COMMD1: variants seen among roughly 807,000 people sequenced by gnomAD.
The protein encoded by COMMD1 is copper metabolism domain containing 1.
Under a neutral mutation model 17.2 loss-of-function variants are expected in COMMD1, and 10 were observed. The ratio of observed to expected loss-of-function variants is 0.58; its 90% CI spans 0.36 to 0.99. COMMD1 has a LOEUF of 0.99. COMMD1 is among the 50% of genes least tolerant of loss of function. COMMD1 has a pLI of 0.01. For missense variants in COMMD1, 270 were observed against 231.8 expected (o/e 1.17, Z -1.07); for synonymous variants, 97 against 91.6 (o/e 1.06, Z -0.34).
intron 1 of COMMD1, chr2:61,915,769 T>G (rs1245011569): frequency 2.2e-6 from 1 of 446,700 alleles, no homozygotes; most frequent in Admixed American, 2.4e-5. Flanking sequence ...TTGCTGGGAT[T>G]ACAGGTATGA....
At chr2:61,916,970 A>T (rs753110921) in intron 1 of COMMD1, among the ~76,000 whole-genome samples, 3 of 152,170 alleles carry the variant, frequency 2.0e-5, no homozygotes, top group Non-Finnish European at 1.5e-5. Context: ...TGCATATTGT[A>T]GTATTATTTT....
At chr2:62,134,938 A>G (rs1673149163) in intron 2 of COMMD1, among the ~76,000 whole-genome samples, 2 of 152,198 alleles carry the variant, frequency 1.3e-5, no homozygotes, top group Non-Finnish European at 2.9e-5. Context: ...GTTATCTTTC[A>G]GTTATCTGGC....
At chr2:62,049,648 A>G (rs553328488) in intron 2 of COMMD1, among the ~76,000 whole-genome samples, 10 of 152,324 alleles carry the variant, frequency 6.6e-5, no homozygotes, top group African/African-American at 2.4e-4. Flanking sequence ...ATATTGCTGA[A>G]CAGGCCTTTA....
chr2:62,055,664 C>T (rs1558579637), intron 2 of COMMD1, among the ~76,000 whole-genome samples: 1 of 152,212 alleles, frequency 6.6e-6, no homozygotes, highest in Non-Finnish European at 1.5e-5. Context: ...GCATTGAGAG[C>T]ATCATTCTTA....
intron 2 of COMMD1, among the ~76,000 whole-genome samples, chr2:62,079,077 T>A (rs1481289652): frequency 6.6e-6 from 1 of 152,168 alleles, no homozygotes; most frequent in Non-Finnish European, 1.5e-5. Context: ...TCTTTCACGT[T>A]AAATTTTAAA....
intron 2 of COMMD1, among the ~76,000 whole-genome samples, chr2:62,109,719 CTGT>C (rs1324077657): frequency 1.3e-5 from 2 of 152,052 alleles, no homozygotes; most frequent in Non-Finnish European, 2.9e-5. Flanking sequence ...TGATGTCATC[CTGT>C]TGTTGTATGT....
At chr2:62,036,797 A>G (rs1204485728) in intron 2 of COMMD1, among the ~76,000 whole-genome samples, 1 of 152,250 alleles carries the variant, frequency 6.6e-6, no homozygotes, top group Non-Finnish European at 1.5e-5. Context: ...AAGATAAACT[A>G]AAATTTACTT....
intron 2 of COMMD1, among the ~76,000 whole-genome samples, chr2:62,122,356 CAG>C (rs1199310027): frequency 6.6e-6 from 1 of 151,960 alleles, no homozygotes; most frequent in Non-Finnish European, 1.5e-5. Context: ...AGATGTGAGT[CAG>C]GGGTTAGCCA....
chr2:62,096,571 A>AT (rs1234156795), intron 2 of COMMD1, among the ~76,000 whole-genome samples: 7 of 151,848 alleles, frequency 4.6e-5, no homozygotes, highest in Admixed American at 2.6e-4. Context: ...TCTGTTTTAG[A>AT]TTTTTATATA....
At position 61,993,436 on chromosome 2, in the gene COMMD1, C is replaced by T. The variant is rs374545886; in HGVS notation, c.181-7265C>T. ...TCACTTTGGAAGCTTTTTAACAATA[C>T]CAGTGCCTAGGCTTTACTCCATAAT... On this transcript the variant is annotated intron_variant, in intron 1 of 2. Transcript: ENST00000311832. Among the ~76,000 whole-genome samples the T allele has an allele frequency of 2.0e-5, 3 of 152,294 alleles. No homozygotes were observed. In the South Asian group the frequency reaches 6.2e-4, roughly 32 times the overall value.
At chr2:62,129,957 C>T (rs1039580523) in intron 2 of COMMD1, among the ~76,000 whole-genome samples, 1 of 152,092 alleles carries the variant, frequency 6.6e-6, no homozygotes, top group Non-Finnish European at 1.5e-5. Context: ...GGGTGGATCA[C>T]GAGGTCAGGA....
intron 2 of COMMD1, among the ~76,000 whole-genome samples, chr2:62,054,018 A>G (rs1670617348): frequency 1.3e-5 from 2 of 152,234 alleles, no homozygotes; most frequent in African/African-American, 4.8e-5. Flanking sequence ...GATCCAAATA[A>G]TCCTACTAAA....
chr2:61,943,728 G>A (rs1572987382), intron 1 of COMMD1, among the ~76,000 whole-genome samples: 1 of 152,014 alleles, frequency 6.6e-6, no homozygotes. Flanking sequence ...CCAGCTACTC[G>A]GGAGGCTTGG....
chr2:62,098,349 G>A (rs536945565), intron 2 of COMMD1, among the ~76,000 whole-genome samples: 2 of 151,762 alleles, frequency 1.3e-5, no homozygotes, highest in Non-Finnish European at 2.9e-5. Flanking sequence ...GTAGAGACAG[G>A]GTTTCACCAT....
In COMMD1 at chr2:62,055,868, GT is replaced by G. The variant is rs751131156; in HGVS notation, c.462+54887del. On this transcript the variant is annotated intron_variant, in intron 2 of 2. Transcript: ENST00000311832. Reference sequence around the variant, plus strand: ...CACAATTGATAGAGAGCATTAATGAGTCACTGTGGCACGCAGTCCAGGTTGA... The same window carrying G: ...CACAATTGATAGAGAGCATTAATGAGCACTGTGGCACGCAGTCCAGGTTGA... Among the ~76,000 whole-genome samples the G allele has an allele frequency of 1.7e-4, 26 of 152,338 alleles. No homozygotes were observed. In the South Asian group the frequency reaches 2.1e-3, roughly 12 times the overall value.
chr2:61,979,507 A>G (rs1397964197), intron 1 of COMMD1, among the ~76,000 whole-genome samples: 1 of 152,120 alleles, frequency 6.6e-6, no homozygotes, highest in Admixed American at 6.6e-5. Context: ...GAGCTAGCAT[A>G]TAATTCAGCA....
intron 2 of COMMD1, among the ~76,000 whole-genome samples, chr2:62,097,936 G>T (rs1672056677): frequency 6.6e-6 from 1 of 152,078 alleles, no homozygotes; most frequent in Non-Finnish European, 1.5e-5. Context: ...AGTTGTTCTG[G>T]TGCCTTCCTC....
intron 1 of COMMD1, among the ~76,000 whole-genome samples, chr2:61,966,929 T>C (rs1288556738): frequency 6.6e-6 from 1 of 152,086 alleles, no homozygotes; most frequent in African/African-American, 2.4e-5. Context: ...AAATTTACCG[T>C]CAACTTGAAG....
At position 62,000,934 on chromosome 2, in the gene COMMD1, A is replaced by G. The variant is rs550878902; in HGVS notation, c.414A>G (p.Ile138Met). ...GKSQSRHSAQIHTPVAIIELE... is the reference protein window; with the variant it reads ...GKSQSRHSAQMHTPVAIIELE... Reference sequence around the variant, plus strand: ...CTCAGTCAAGGCACTCAGCTCAAATACACACACCTGTTGCCATTATAGAGC... The same window carrying G: ...CTCAGTCAAGGCACTCAGCTCAAATGCACACACCTGTTGCCATTATAGAGC... The change falls in exon 2 of 3, where the codon ATA (isoleucine) becomes ATG (methionine). Residue 138 changes from isoleucine to methionine, a missense_variant. Ile to Met is a conservative substitution (Grantham distance 10). Transcript: ENST00000311832. 6.8e-6 allele frequency: 11 copies of G among 1,614,128 alleles called. No homozygotes were observed. In the Admixed American group the frequency reaches 8.3e-5, roughly 12 times the overall value.
Sources: gnomAD v4.1 joint callset for allele counts (sites outside exome capture counted in the v4.1 genomes callset) on GRCh38, gnomAD v4.1.1 for gene constraint, MANE v1.5 for transcripts, NCBI Gene and HGNC (gene_info 2026-07-23, HGNC 2026-07-21) for gene names.